Variants in XRCC6 observed in about 807,000 individuals in gnomAD.
XRCC6 encodes DNA repair protein Ku70.
XRCC6 carries 5 observed loss-of-function variants against 65.7 expected under a neutral mutation model. The observed-to-expected ratio is 0.08, with a 90% CI of 0.04 to 0.16. XRCC6 has a LOEUF of 0.16. Among genes scored for constraint, XRCC6 ranks in the 10% least tolerant of loss-of-function variants. The pLI, the probability that XRCC6 is intolerant of heterozygous loss-of-function variation, is 1.00. For missense variants in XRCC6, 447 were observed against 738.1 expected, an observed-to-expected ratio of 0.61 and a Z score of 4.57; for synonymous variants, 270 against 270.6, an observed-to-expected ratio of 1.00 and a Z score of 0.02.
intron 3 of XRCC6, among the ~76,000 whole-genome samples, chr22:41,631,962 C>A (rs1028287322): frequency 2.0e-5 from 3 of 152,080 alleles, no homozygotes; most frequent in African/African-American, 7.2e-5. Flanking sequence ...CCCGTCTCCA[C>A]CAAAAAAATA....
intron 1 of XRCC6, 35 bp from the exon 2 acceptor site, chr22:41,621,954 AT>A: frequency 6.2e-7 from 1 of 1,603,166 alleles, no homozygotes; most frequent in East Asian, 2.2e-5. Flanking sequence ...TTCGATTTAA[AT>A]TTGCCTGTTA....
At position 41,663,829 on chromosome 22, in the gene XRCC6, G is replaced by A. The variant is rs376378849; in HGVS notation, c.*14G>A. 4.0e-5 allele frequency: 65 copies of A among 1,606,078 alleles called. No individual in the cohort carries two copies. The highest frequency in any genetic ancestry group is 3.9e-4 in the South Asian group (35 of 90,840). ...TTCCAGGACTGACCAGAGGCCGCGC[G>A]TCCAGCTGCCCTTCCGCAGTGTGGC... On this transcript the variant is annotated 3_prime_UTR_variant, in exon 13 of 13. Coordinates refer to ENST00000360079, the MANE Select transcript of XRCC6 (RefSeq NM_001469.5).
intron 9 of XRCC6, among the ~76,000 whole-genome samples, chr22:41,656,337 A>G (rs2068044710): frequency 6.6e-6 from 1 of 152,016 alleles, no homozygotes; most frequent in Non-Finnish European, 1.5e-5. Context: ...CCTGGCCAAC[A>G]TGGCGAAACC....
intron 2 of XRCC6, among the ~76,000 whole-genome samples, chr22:41,624,637 G>A (rs182490169): frequency 2.7e-5 from 4 of 149,256 alleles, no homozygotes; most frequent in African/African-American, 7.4e-5. Flanking sequence ...GCAGTGAGCT[G>A]AGATTGCATC....
rs61549526 is a variant in XRCC6, at chr22:41,649,160, A to ATATG, written c.961-1553_961-1550dup. On this transcript the variant is annotated intron_variant, in intron 7 of 12. Coordinates refer to ENST00000360079, the MANE Select transcript of XRCC6 (RefSeq NM_001469.5). The stretch of plus-strand genomic sequence containing the variant: ...AAAAAATATATATATATATATATAT[A>ATATG]TATGTATGTATGTGTGTGTGTATAT... Among the ~76,000 whole-genome samples the ATATG allele has an allele frequency of 3.1e-3, 392 of 125,754 alleles. 1 individual carries two copies. Among genetic ancestry groups the ATATG allele is most frequent in the African/African-American group, 0.012 (342 of 27,436 alleles). The allele number at this position is 125,754 out of a possible 152,430, so 82.5% of individuals were successfully genotyped here.
chr22:41,653,857 A>C (rs1236377994), intron 9 of XRCC6, among the ~76,000 whole-genome samples, 167 bp downstream of exon 9: 1 of 152,152 alleles, frequency 6.6e-6, no homozygotes, highest in Non-Finnish European at 1.5e-5. Flanking sequence ...AGGTAAGGCC[A>C]CTAAATATGG....
At chr22:41,661,857 T>G (rs1391525079) in intron 12 of XRCC6, among the ~76,000 whole-genome samples, 1 of 152,222 alleles carries the variant, frequency 6.6e-6, no homozygotes, top group Non-Finnish European at 1.5e-5. Context: ...CATCAACAGA[T>G]GCCTGGTAAA....
At chr22:41,629,284 C>G (rs1387872794) in intron 3 of XRCC6, among the ~76,000 whole-genome samples, 1 of 152,160 alleles carries the variant, frequency 6.6e-6, no homozygotes, top group Non-Finnish European at 1.5e-5. Context: ...AACACATTCA[C>G]AATGTTATGC....
At chr22:41,651,403 T>A (rs867159227) in intron 8 of XRCC6, among the ~76,000 whole-genome samples, 2,014 of 60,542 alleles carry the variant, frequency 0.033, 204 homozygotes, top group African/African-American at 0.098. Flanking sequence ...TTTTTTTTTT[T>A]TTTTGGAGAT....
At position 41,627,583 on chromosome 22, in the gene XRCC6, C is replaced by T. The variant is rs28741109; in HGVS notation, c.83-535C>T. ...CCGAGATTGTGCCACTGTACTCCAC[C>T]CTGGCAACAGAGCGAGACTCCGTCT... On this transcript the variant is annotated intron_variant, in intron 2 of 12. Transcript: ENST00000360079. 6.0e-3 allele frequency among the ~76,000 whole-genome samples: 872 copies of T among 145,734 alleles called. 26 individuals carry two copies. The highest frequency in any genetic ancestry group is 0.054 in the Admixed American group (782 of 14,548).
At chr22:41,649,675 A>C (rs2147103841) in intron 7 of XRCC6, among the ~76,000 whole-genome samples, 1 of 151,868 alleles carries the variant, frequency 6.6e-6, no homozygotes, top group East Asian at 1.9e-4. Context: ...TAACACAGTG[A>C]AACCCCATCT....
chr22:41,621,714 T>C (rs1324546397), intron 1 of XRCC6: 16 of 446,152 alleles, frequency 3.6e-5, no homozygotes, highest in Non-Finnish European at 6.1e-5. Context: ...TCCCTCACCG[T>C]CTAAATGGCG....
intron 7 of XRCC6, among the ~76,000 whole-genome samples, chr22:41,647,760 A>G (rs1338621234): frequency 6.6e-6 from 1 of 151,748 alleles, no homozygotes; most frequent in Non-Finnish European, 1.5e-5. Flanking sequence ...TTTAATAGAG[A>G]TGAGGTCTCA....
At chr22:41,640,943 A>C (rs2067868914) in intron 6 of XRCC6, among the ~76,000 whole-genome samples, 1 of 152,118 alleles carries the variant, frequency 6.6e-6, no homozygotes, top group African/African-American at 2.4e-5. Flanking sequence ...AAATGGGAGC[A>C]AAAAATGGTA....
chr22:41,632,515 G>A (rs1029840550), intron 3 of XRCC6, among the ~76,000 whole-genome samples: 2 of 152,158 alleles, frequency 1.3e-5, no homozygotes, highest in Non-Finnish European at 2.9e-5. Flanking sequence ...GGAGGCTGAG[G>A]CAGGAGAATT....
Position 41,628,150 on chromosome 22 carries a change from A to AT in XRCC6, c.122dup (p.Leu41PhefsTer3). ...TAAATATTCAGGAAGAGATAGTTTG[A>AT]TTTTTTTGGTTGATGCCTCCAAGGC... is the stretch of plus-strand genomic sequence containing the variant. On this transcript the variant is annotated frameshift_variant, in exon 3 of 13. Coordinates refer to ENST00000360079, the MANE Select transcript of XRCC6 (RefSeq NM_001469.5). LOFTEE classifies it high-confidence loss of function. 1 of 1,613,634 alleles carries AT rather than the reference A, an allele frequency of 6.2e-7. No individual in the cohort carries two copies.
At chr22:41,657,709 G>A (rs1010049173) in intron 10 of XRCC6, among the ~76,000 whole-genome samples, 28 of 151,488 alleles carry the variant, frequency 1.8e-4, no homozygotes, top group Non-Finnish European at 8.8e-5. Flanking sequence ...TTGTAGGGAC[G>A]GAGTTTCACC....
chr22:41,649,583 G>T (rs942293595), intron 7 of XRCC6, among the ~76,000 whole-genome samples: 1 of 151,886 alleles, frequency 6.6e-6, no homozygotes, highest in African/African-American at 2.4e-5. Context: ...GGCCGGGTGC[G>T]GTGGCTCACG....
In XRCC6 at chr22:41,636,099, AT is replaced by A. The variant is rs28384728; in HGVS notation, c.196-4del. ...TTAGTGGTAAGTAAATATTAATTGAATTTTTTTTTTCAGTGTATCCAAAGTG... is the reference window on the plus strand; with the variant it reads ...TTAGTGGTAAGTAAATATTAATTGAATTTTTTTTTCAGTGTATCCAAAGTG... On this transcript the variant is annotated splice_polypyrimidine_tract_variant and intron_variant, in intron 3 of 12. Coordinates refer to ENST00000360079, the MANE Select transcript of XRCC6 (RefSeq NM_001469.5). The A allele has an allele frequency of 5.4e-4, 804 of 1,494,058 alleles. 3 individuals carry two copies. In the African/African-American group the frequency reaches 6.1e-3, roughly 11 times the overall value. 92.6% of individuals were successfully genotyped at this position (1,494,058 alleles called of 1,614,324 possible).
Sources: allele counts gnomAD v4.1 joint callset (sites outside exome capture counted in the v4.1 genomes callset), GRCh38; gene constraint gnomAD v4.1.1; transcripts MANE v1.5; gene names NCBI Gene and HGNC (gene_info 2026-07-23, HGNC 2026-07-21).